Variants in SLC25A21 observed in about 807,000 individuals in gnomAD.
SLC25A21 encodes the protein solute carrier family 25 member 21, also known as mitochondrial 2-oxodicarboxylate carrier.
Under a neutral mutation model 43.8 loss-of-function variants are expected in SLC25A21, and 47 were observed. The ratio of observed to expected loss-of-function variants is 1.07; its 90% CI spans 0.85 to 1.37. The LOEUF (loss-of-function observed/expected upper bound fraction) is 1.37, where lower values mean the gene tolerates loss of function less well. Among genes scored for constraint, SLC25A21 ranks in the 40% most tolerant of loss-of-function variants. SLC25A21 has a pLI of 0.00. For missense variants in SLC25A21, 352 were observed against 350.2 expected (o/e 1.00, Z -0.04); for synonymous variants, 131 against 121.3 (o/e 1.08, Z -0.52).
chr14:36,989,328 T>G (rs1960213357), intron 1 of SLC25A21, among the ~76,000 whole-genome samples: 1 of 152,168 alleles, frequency 6.6e-6, no homozygotes, highest in Admixed American at 6.5e-5. Flanking sequence ...AACTTTTTAA[T>G]TTCTAAAGTG....
intron 1 of SLC25A21, among the ~76,000 whole-genome samples, chr14:37,077,492 T>C (rs1962305028): frequency 2.0e-5 from 3 of 152,170 alleles, no homozygotes; most frequent in Middle Eastern, 6.8e-3. Context: ...ATGTTATGTA[T>C]AACAATTGAA....
At chr14:36,697,144 T>C (rs966931552) in intron 7 of SLC25A21, among the ~76,000 whole-genome samples, 6 of 152,246 alleles carry the variant, frequency 3.9e-5, no homozygotes, top group African/African-American at 1.2e-4. Flanking sequence ...AACATCTTTA[T>C]TTCTGCCTTC....
At chr14:36,714,438 G>A (rs1408617885) in intron 6 of SLC25A21, among the ~76,000 whole-genome samples, 1 of 152,156 alleles carries the variant, frequency 6.6e-6, no homozygotes, top group East Asian at 1.9e-4. Context: ...GCCTCACCCA[G>A]GAGCTTTCCT....
chr14:36,871,236 T>A (rs1051328058), intron 2 of SLC25A21, among the ~76,000 whole-genome samples: 17 of 151,932 alleles, frequency 1.1e-4, no homozygotes, highest in African/African-American at 2.4e-4. Flanking sequence ...AGTGCCCTTA[T>A]ATGAGAGACC....
intron 1 of SLC25A21, among the ~76,000 whole-genome samples, chr14:37,102,320 G>C (rs1242387561): frequency 6.6e-6 from 1 of 151,898 alleles, no homozygotes; most frequent in Non-Finnish European, 1.5e-5. Context: ...GCACATGCCT[G>C]TAATCCCAGC....
chr14:36,729,953 C>A (rs1186105778), intron 4 of SLC25A21, among the ~76,000 whole-genome samples: 1 of 152,122 alleles, frequency 6.6e-6, no homozygotes, highest in Non-Finnish European at 1.5e-5. Flanking sequence ...CAGTGAAAGC[C>A]CAATTTTCTA....
chr14:36,767,969 T>C, intron 3 of SLC25A21, among the ~76,000 whole-genome samples: 1 of 152,210 alleles, frequency 6.6e-6, no homozygotes, highest in East Asian at 1.9e-4. Flanking sequence ...GATTAGGCTG[T>C]TGTAATCCTG....
intron 1 of SLC25A21, among the ~76,000 whole-genome samples, chr14:37,068,407 A>G (rs550357957): frequency 1.1e-4 from 16 of 152,128 alleles, no homozygotes; most frequent in African/African-American, 1.7e-4. Flanking sequence ...TGAAAGCACT[A>G]TAACAATTCA....
chr14:36,957,370 T>C (rs556613430), intron 1 of SLC25A21, among the ~76,000 whole-genome samples: 50 of 152,210 alleles, frequency 3.3e-4, no homozygotes, highest in Non-Finnish European at 5.4e-4. Context: ...ACAGGCTGAA[T>C]GCAGCTGGAA....
intron 2 of SLC25A21, among the ~76,000 whole-genome samples, chr14:36,862,076 G>C (rs1305314621): frequency 1.3e-5 from 2 of 152,230 alleles, no homozygotes; most frequent in African/African-American, 4.8e-5. Context: ...TCTCATGCCA[G>C]TTAGAATGGC....
intron 1 of SLC25A21, among the ~76,000 whole-genome samples, chr14:37,162,412 A>G (rs1963960569): frequency 1.7e-5 from 1 of 60,502 alleles, no homozygotes; most frequent in African/African-American, 5.1e-5. Context: ...GCTAATATCC[A>G]GAATCTACAA....
intron 1 of SLC25A21, among the ~76,000 whole-genome samples, chr14:37,135,997 ACTAT>A (rs1963474292): frequency 6.6e-6 from 1 of 152,228 alleles, no homozygotes; most frequent in Admixed American, 6.5e-5. Flanking sequence ...AGTCCATCTT[ACTAT>A]CTATATTAAT....
intron 1 of SLC25A21, among the ~76,000 whole-genome samples, chr14:37,146,595 T>C (rs1963669249): frequency 6.6e-6 from 1 of 152,182 alleles, no homozygotes; most frequent in Admixed American, 6.5e-5. Context: ...CTGATAAAGA[T>C]AAGAAGAGCA....
intron 1 of SLC25A21, among the ~76,000 whole-genome samples, chr14:36,953,130 A>G (rs1892854821): frequency 6.6e-6 from 1 of 152,216 alleles, no homozygotes; most frequent in Admixed American, 6.5e-5. Context: ...GAAAATATTT[A>G]GTTAACGATA....
intron 7 of SLC25A21, among the ~76,000 whole-genome samples, chr14:36,690,338 A>G (rs1882743787): frequency 6.6e-6 from 1 of 152,228 alleles, no homozygotes. Flanking sequence ...CAAAATGTAT[A>G]TATGATATAA....
chr14:37,000,825 T>C (rs951097926), intron 1 of SLC25A21, among the ~76,000 whole-genome samples: 45 of 152,146 alleles, frequency 3.0e-4, no homozygotes, highest in African/African-American at 1.0e-3. Context: ...CCTGCTCCCA[T>C]GTGAAGAAGG....
chr14:37,165,567 G>C (rs750225406), intron 1 of SLC25A21, among the ~76,000 whole-genome samples: 7 of 152,126 alleles, frequency 4.6e-5, no homozygotes, highest in Non-Finnish European at 8.8e-5. Flanking sequence ...AAAAGATTCT[G>C]GGAGGCAGGA....
chr14:37,090,356 C>A (rs1266101258), intron 1 of SLC25A21, among the ~76,000 whole-genome samples: 1 of 152,198 alleles, frequency 6.6e-6, no homozygotes, highest in African/African-American at 2.4e-5. Context: ...GCAAGCAGCG[C>A]CCTGGATGTG....
intron 2 of SLC25A21, among the ~76,000 whole-genome samples, chr14:36,850,949 T>G (rs1415289337): frequency 6.6e-6 from 1 of 152,220 alleles, no homozygotes; most frequent in Non-Finnish European, 1.5e-5. Context: ...ATTCTTTTCC[T>G]CTACTGCAAA....
Sources: gnomAD v4.1 joint callset for allele counts (sites outside exome capture counted in the v4.1 genomes callset) on GRCh38, gnomAD v4.1.1 for gene constraint, MANE v1.5 for transcripts, NCBI Gene and HGNC (gene_info 2026-07-23, HGNC 2026-07-21) for gene names.